DNM3: variants seen among roughly 807,000 people sequenced by gnomAD.
The protein encoded by DNM3 is dynamin-3.
DNM3 carries 47 observed loss-of-function variants against 101.6 expected under a neutral mutation model. That is an observed-to-expected ratio of 0.46 (90% confidence interval 0.37 to 0.59). DNM3 has a LOEUF of 0.59. Among genes scored for constraint, DNM3 ranks in the 20% least tolerant of loss-of-function variants. The pLI, the probability that DNM3 is intolerant of heterozygous loss-of-function variation, is 0.00. For synonymous variants in DNM3, 385 were observed against 387.9 expected (o/e 0.99, Z 0.09); for missense variants, 849 against 1,085.7 (o/e 0.78, Z 3.06).
intron 14 of DNM3, among the ~76,000 whole-genome samples, chr1:172,152,045 T>C (rs982127995): frequency 1.3e-5 from 2 of 152,024 alleles, no homozygotes; most frequent in African/African-American, 4.8e-5. Flanking sequence ...GCCTGGCTAA[T>C]CTTAATTTTT....
chr1:172,219,089 A>G (rs1259195164), intron 14 of DNM3, among the ~76,000 whole-genome samples: 1 of 152,114 alleles, frequency 6.6e-6, no homozygotes, highest in African/African-American at 2.4e-5. Context: ...ACAATGGCTC[A>G]TGCCTGTAAT....
intron 4 of DNM3, among the ~76,000 whole-genome samples, chr1:172,016,133 G>T (rs1240759980): frequency 6.6e-6 from 1 of 150,746 alleles, no homozygotes; most frequent in Non-Finnish European, 1.5e-5. Flanking sequence ...GTTGCAGTGA[G>T]CCAAGATTGT....
At chr1:172,055,811 A>G (rs890664992) in intron 10 of DNM3, among the ~76,000 whole-genome samples, 1 of 152,196 alleles carries the variant, frequency 6.6e-6, no homozygotes, top group Admixed American at 6.5e-5. Context: ...TTTACACTGT[A>G]TGAAAATACT....
intron 17 of DNM3, among the ~76,000 whole-genome samples, chr1:172,333,855 C>T (rs976383116): frequency 2.6e-5 from 4 of 152,148 alleles, no homozygotes; most frequent in African/African-American, 9.7e-5. Flanking sequence ...AACACACATT[C>T]TTCAACATAA....
chr1:171,936,758 T>C (rs567631678), intron 2 of DNM3, among the ~76,000 whole-genome samples: 1 of 122,896 alleles, frequency 8.1e-6, no homozygotes, highest in East Asian at 2.3e-4. Flanking sequence ...TTATCAGTAT[T>C]GAGTATTTGG....
chr1:172,214,125 A>G (rs1362807486), intron 14 of DNM3, among the ~76,000 whole-genome samples: 2 of 152,160 alleles, frequency 1.3e-5, no homozygotes, highest in Admixed American at 1.3e-4. Flanking sequence ...CAGCTGACAG[A>G]AAGCATTTTT....
intron 1 of DNM3, among the ~76,000 whole-genome samples, chr1:171,905,334 A>G (rs955599140): frequency 1.3e-5 from 2 of 152,216 alleles, no homozygotes; most frequent in African/African-American, 2.4e-5. Flanking sequence ...CTTTCTGAGT[A>G]TGCAGGGAGT....
intron 2 of DNM3, among the ~76,000 whole-genome samples, chr1:171,963,224 T>C (rs530300302): frequency 3.9e-5 from 6 of 152,150 alleles, no homozygotes; most frequent in Non-Finnish European, 8.8e-5. Flanking sequence ...AAATGAGCCT[T>C]GAAGAGACAT....
intron 17 of DNM3, 22 bp from the exon 18 acceptor site, chr1:172,378,996 G>T (rs535560274): frequency 6.2e-7 from 1 of 1,602,696 alleles, no homozygotes; most frequent in East Asian, 2.2e-5. Context: ...GATAATCCAT[G>T]GTTTGTTTTC....
chr1:172,145,761 C>T (rs557484298), intron 14 of DNM3, among the ~76,000 whole-genome samples: 3 of 152,114 alleles, frequency 2.0e-5, no homozygotes, highest in Non-Finnish European at 2.9e-5. Context: ...TTGTTTTTCA[C>T]TTGTAATTCC....
chr1:172,141,755 G>T (rs1239778319), intron 14 of DNM3, among the ~76,000 whole-genome samples: 1 of 152,006 alleles, frequency 6.6e-6, no homozygotes, highest in African/African-American at 2.4e-5. Context: ...CCGAAAGCCC[G>T]AATGCCAAGC....
At chr1:172,066,022 G>A (rs779168359) in intron 10 of DNM3, among the ~76,000 whole-genome samples, 4 of 152,126 alleles carry the variant, frequency 2.6e-5, no homozygotes, top group Admixed American at 6.5e-5. Flanking sequence ...TGCTATAAAG[G>A]TAATGTGCAC....
In DNM3 at chr1:172,243,232, G is replaced by A. The variant is rs150897639; in HGVS notation, c.1660-10341G>A. Among the ~76,000 whole-genome samples, 348 of 152,164 alleles carry A rather than the reference G, an allele frequency of 2.3e-3. 1 individual carries two copies. Among genetic ancestry groups the A allele is most frequent in the African/African-American group, 7.9e-3 (329 of 41,510 alleles). ...ATATAGAGATTAAATATAAATATAT[G>A]AGAACAAAATCCTTAATGTTCTCAC... is the stretch of plus-strand genomic sequence containing the variant. On this transcript the variant is annotated intron_variant, in intron 14 of 20. Coordinates refer to ENST00000627582, the MANE Select transcript of DNM3 (RefSeq NM_015569.5).
At chr1:172,308,650 T>C (rs1057177355) in intron 15 of DNM3, 78 bp from the exon 16 acceptor site, 1 of 632,820 alleles carries the variant, frequency 1.6e-6, no homozygotes, top group Non-Finnish European at 2.4e-6. Flanking sequence ...ACTTACATCA[T>C]CATCGTCTAC....
intron 1 of DNM3, among the ~76,000 whole-genome samples, chr1:171,858,459 T>C (rs1177602316): frequency 6.6e-6 from 1 of 152,082 alleles, no homozygotes; most frequent in Non-Finnish European, 1.5e-5. Context: ...CAACTCTCAC[T>C]GTCTAAATGC....
intron 4 of DNM3, among the ~76,000 whole-genome samples, chr1:172,006,811 T>C (rs570508813): frequency 6.6e-6 from 1 of 152,242 alleles, no homozygotes; most frequent in African/African-American, 2.4e-5. Context: ...TCAGTGTCTA[T>C]TCTAGTATCC....
Position 171,844,524 on chromosome 1 carries a change from C to T in DNM3, c.161+2707C>T, listed in dbSNP as rs189291330. 1.1e-4 allele frequency among the ~76,000 whole-genome samples: 16 copies of T among 152,216 alleles called. No individual in the cohort carries two copies. In the East Asian group the frequency reaches 1.2e-3, roughly 11 times the overall value. On this transcript the variant is annotated intron_variant, in intron 1 of 20. Transcript: ENST00000627582. The stretch of plus-strand genomic sequence containing the variant: ...TTTTTTGGACACCAATGAATGAATT[C>T]GGATGTGAATATGTTTACTTCATTT...
intron 14 of DNM3, among the ~76,000 whole-genome samples, chr1:172,250,486 G>T (rs551861717): frequency 7.2e-5 from 11 of 152,172 alleles, no homozygotes; most frequent in Middle Eastern, 3.4e-3. Flanking sequence ...GGATTGCAAT[G>T]AATTTGACAA....
intron 14 of DNM3, among the ~76,000 whole-genome samples, chr1:172,193,307 T>G (rs1230189653): frequency 6.6e-6 from 1 of 152,152 alleles, no homozygotes; most frequent in Non-Finnish European, 1.5e-5. Context: ...TCAGGGATAT[T>G]GGTCTAAAAT....
Sources: allele counts gnomAD v4.1 joint callset (sites outside exome capture counted in the v4.1 genomes callset), GRCh38; gene constraint gnomAD v4.1.1; transcripts MANE v1.5; gene names NCBI Gene and HGNC (gene_info 2026-07-23, HGNC 2026-07-21).